The following GRID1 variants were observed in gnomAD, a reference collection of about 807,000 sequenced individuals.
GRID1 encodes the protein glutamate receptor ionotropic, delta-1.
In GRID1, 28 loss-of-function variants were observed where a neutral mutation model predicts 98.0. The observed-to-expected ratio is 0.29, with a 90% CI of 0.21 to 0.39. The LOEUF is 0.39. GRID1 is among the 10% of genes least tolerant of loss of function. GRID1 has a pLI of 1.00. For synonymous variants in GRID1, 553 were observed against 538.5 expected (o/e 1.03, Z -0.37); for missense variants, 1,111 against 1,340.5 (o/e 0.83, Z 2.67).
intron 2 of GRID1, among the ~76,000 whole-genome samples, chr10:86,315,427 C>T (rs1847884574): frequency 6.6e-6 from 1 of 152,196 alleles, no homozygotes; most frequent in Non-Finnish European, 1.5e-5. Context: ...CTATGTGGCC[C>T]AGGAAGGGGG....
chr10:86,077,670 C>T (rs917720624), intron 4 of GRID1, among the ~76,000 whole-genome samples: 1 of 152,158 alleles, frequency 6.6e-6, no homozygotes, highest in Non-Finnish European at 1.5e-5. Flanking sequence ...GGAGTCTGTC[C>T]CCACTCTAAT....
At chr10:85,725,354 A>G (rs1841750540) in intron 10 of GRID1, among the ~76,000 whole-genome samples, 1 of 152,186 alleles carries the variant, frequency 6.6e-6, no homozygotes, top group Admixed American at 6.5e-5. Flanking sequence ...TTATTCTTCC[A>G]TGGTAAAGCC....
chr10:85,787,822 G>A (rs985336878), intron 8 of GRID1, among the ~76,000 whole-genome samples: 1 of 152,058 alleles, frequency 6.6e-6, no homozygotes, highest in Non-Finnish European at 1.5e-5. Flanking sequence ...ACAGCCAGGG[G>A]CCCCCACACC....
intron 5 of GRID1, among the ~76,000 whole-genome samples, chr10:85,897,749 C>A (rs1474363725): frequency 6.6e-6 from 1 of 152,062 alleles, no homozygotes; most frequent in Non-Finnish European, 1.5e-5. Context: ...CATTTAAAAT[C>A]TTTCTTAGCA....
At chr10:86,344,167 C>T (rs1564744421) in intron 2 of GRID1, among the ~76,000 whole-genome samples, 1 of 152,226 alleles carries the variant, frequency 6.6e-6, no homozygotes, top group Admixed American at 6.5e-5. Flanking sequence ...CTGCTGTGCC[C>T]ACAGTGGCTG....
intron 2 of GRID1, among the ~76,000 whole-genome samples, chr10:86,304,485 A>G (rs1347673046): frequency 1.3e-5 from 2 of 152,216 alleles, no homozygotes; most frequent in African/African-American, 4.8e-5. Context: ...AGCAGGACCC[A>G]GTAGGCACCT....
chr10:85,787,406 A>G (rs1170049333), intron 8 of GRID1, among the ~76,000 whole-genome samples: 1 of 152,086 alleles, frequency 6.6e-6, no homozygotes, highest in East Asian at 1.9e-4. Context: ...CCTGTGGGTG[A>G]AGCTAGCGGC....
intron 2 of GRID1, among the ~76,000 whole-genome samples, chr10:86,317,142 G>C (rs1847911275): frequency 6.6e-6 from 1 of 152,144 alleles, no homozygotes. Context: ...ACTCCCCCCG[G>C]ACCTGCCCAC....
chr10:85,997,526 G>GTT (rs1466725989), intron 4 of GRID1, among the ~76,000 whole-genome samples: 1 of 151,998 alleles, frequency 6.6e-6, no homozygotes, highest in African/African-American at 2.4e-5. Flanking sequence ...CTATAAAAAC[G>GTT]TAAGTATGCA....
chr10:85,706,310 C>A (rs1841517511), intron 12 of GRID1, among the ~76,000 whole-genome samples: 1 of 152,178 alleles, frequency 6.6e-6, no homozygotes, highest in African/African-American at 2.4e-5. Context: ...CATTCTTACA[C>A]ACCAATAACA....
chr10:86,098,768 T>A (rs1844255409), intron 4 of GRID1, among the ~76,000 whole-genome samples: 1 of 152,214 alleles, frequency 6.6e-6, no homozygotes, highest in South Asian at 2.1e-4. Flanking sequence ...TGGTTTTCCA[T>A]ATGTTTGCTA....
chr10:86,223,963 GA>G (rs1336273415), intron 2 of GRID1, among the ~76,000 whole-genome samples: 2 of 152,142 alleles, frequency 1.3e-5, no homozygotes, highest in Non-Finnish European at 2.9e-5. Context: ...ACCAGCAGGT[GA>G]TAGGCTAAGG....
intron 8 of GRID1, among the ~76,000 whole-genome samples, chr10:85,799,443 A>G (rs991630539): frequency 6.6e-6 from 1 of 152,166 alleles, no homozygotes; most frequent in Non-Finnish European, 1.5e-5. Flanking sequence ...ACTACTCACA[A>G]TAACTAAGAT....
At chr10:85,703,433 A>G (rs1038612323) in intron 12 of GRID1, among the ~76,000 whole-genome samples, 4 of 152,110 alleles carry the variant, frequency 2.6e-5, no homozygotes, top group African/African-American at 9.7e-5. Context: ...AGGCAAATAT[A>G]TATCTTAGAG....
chr10:86,078,400 G>A (rs565199527), intron 4 of GRID1, among the ~76,000 whole-genome samples: 1 of 152,352 alleles, frequency 6.6e-6, no homozygotes, highest in East Asian at 1.9e-4. Context: ...CTTGGGGACG[G>A]TCAGCAGCTG....
chr10:85,755,661 A>G (rs1333801118), intron 8 of GRID1, among the ~76,000 whole-genome samples: 3 of 151,998 alleles, frequency 2.0e-5, no homozygotes, highest in African/African-American at 7.3e-5. Context: ...TACCACTCTC[A>G]CTTCTCAGCC....
At chr10:86,004,822 C>A (rs761030776) in intron 4 of GRID1, among the ~76,000 whole-genome samples, 12 of 152,152 alleles carry the variant, frequency 7.9e-5, no homozygotes, top group Non-Finnish European at 1.3e-4. Flanking sequence ...CCCAGTATTG[C>A]AGCAGCTGAT....
chr10:85,865,963 A>ATATATATATATATACACATATATATG (rs1564613333), intron 6 of GRID1, among the ~76,000 whole-genome samples: 6 of 6,422 alleles, frequency 9.3e-4, no homozygotes, highest in Non-Finnish European at 3.4e-3. Context: ...ATGGAGAGAG[A>ATATATATATATATACACATATATATG]GAGAGAGAGA....
chr10:85,767,545 T>A (rs1469493667), intron 8 of GRID1, among the ~76,000 whole-genome samples: 1 of 152,158 alleles, frequency 6.6e-6, no homozygotes, highest in Non-Finnish European at 1.5e-5. Flanking sequence ...GACCTGAAAG[T>A]TCTGAGTCAT....
Sources: gnomAD v4.1 joint callset for allele counts (sites outside exome capture counted in the v4.1 genomes callset) on GRCh38, gnomAD v4.1.1 for gene constraint, MANE v1.5 for transcripts, NCBI Gene and HGNC (gene_info 2026-07-23, HGNC 2026-07-21) for gene names.